Variants in COPZ1 observed in about 807,000 individuals in gnomAD.
COPZ1 encodes coat protein complex I subunit zeta 1, also known as coatomer subunit zeta-1.
A neutral mutation model predicts 31.7 loss-of-function variants in COPZ1; 4 were observed. That is an observed-to-expected ratio of 0.13 (90% CI 0.06 to 0.29). The LOEUF (loss-of-function observed/expected upper bound fraction) is 0.29. COPZ1 is among the 10% of genes least tolerant of loss of function. The probability of loss-of-function intolerance (pLI) is 1.00; values close to 1 mark genes in which losing one functional copy is unlikely to be tolerated. For synonymous variants in COPZ1, 74 were observed against 79.0 expected (o/e 0.94, Z 0.33); for missense variants, 156 against 211.5 (o/e 0.74, Z 1.63).
chr12:54,343,199 T>G (rs1256120612), intron 3 of COPZ1, 26 bp from the exon 4 acceptor site: 1 of 1,577,856 alleles, frequency 6.3e-7, no homozygotes. Flanking sequence ...AGCCACCCAC[T>G]ATTTTTACTT....
intron 1 of COPZ1, among the ~76,000 whole-genome samples, chr12:54,339,890 G>C (rs1292016149): frequency 6.6e-6 from 1 of 152,000 alleles, no homozygotes; most frequent in African/African-American, 2.4e-5. Flanking sequence ...AGTGGTAGTG[G>C]TTAAGGTATA....
chr12:54,340,857 C>T (rs533332698), intron 2 of COPZ1, among the ~76,000 whole-genome samples: 2 of 152,062 alleles, frequency 1.3e-5, no homozygotes, highest in East Asian at 3.9e-4. Context: ...GCGCTACCAC[C>T]CCCGGCTAAT....
At chr12:54,337,754 A>G (rs1407109900) in intron 1 of COPZ1, among the ~76,000 whole-genome samples, 1 of 152,244 alleles carries the variant, frequency 6.6e-6, no homozygotes, top group Non-Finnish European at 1.5e-5. Flanking sequence ...TGGAAGTTTG[A>G]AATGACCAGC....
At chr12:54,345,680 G>A (rs967905608) in intron 5 of COPZ1, among the ~76,000 whole-genome samples, 165 bp downstream of exon 5, 2 of 152,094 alleles carry the variant, frequency 1.3e-5, no homozygotes, top group African/African-American at 4.8e-5. Context: ...GGGTTTTGCC[G>A]GGCTCAGTGG....
intron 1 of COPZ1, among the ~76,000 whole-genome samples, chr12:54,327,830 T>C (rs1458428835): frequency 3.3e-5 from 5 of 152,140 alleles, no homozygotes; most frequent in Non-Finnish European, 7.4e-5. Flanking sequence ...TTCTAGGGAA[T>C]TGGTTTTTTT....
chr12:54,342,567 C>G, intron 3 of COPZ1: 1 of 437,830 alleles, frequency 2.3e-6, no homozygotes, highest in Non-Finnish European at 4.2e-6. Context: ...TGTACCGCAT[C>G]CATTAGGGCA....
intron 1 of COPZ1, among the ~76,000 whole-genome samples, chr12:54,334,329 G>A (rs1953815211): frequency 6.6e-6 from 1 of 152,000 alleles, no homozygotes; most frequent in Non-Finnish European, 1.5e-5. Flanking sequence ...GCTGAGGCAG[G>A]AGAATTGCTG....
At chr12:54,343,757 T>A (rs939843508) in intron 4 of COPZ1, among the ~76,000 whole-genome samples, 4 of 152,140 alleles carry the variant, frequency 2.6e-5, no homozygotes, top group Admixed American at 6.5e-5. Context: ...GCTTCCTATA[T>A]GCAGGAAAAG....
intron 1 of COPZ1, among the ~76,000 whole-genome samples, chr12:54,330,805 A>G (rs1032955162): frequency 2.0e-5 from 3 of 152,254 alleles, no homozygotes; most frequent in Non-Finnish European, 4.4e-5. Context: ...AGCAAATCAG[A>G]TGGAGCAGGG....
At chr12:54,332,164 A>C (rs1953768823) in intron 1 of COPZ1, among the ~76,000 whole-genome samples, 1 of 151,874 alleles carries the variant, frequency 6.6e-6, no homozygotes, top group Non-Finnish European at 1.5e-5. Flanking sequence ...TCTACCAAAA[A>C]TACAAAAATT....
At chr12:54,349,866 T>C (rs193029746) in intron 8 of COPZ1, 1 of 644,746 alleles carries the variant, frequency 1.6e-6, no homozygotes, top group East Asian at 2.6e-5. Flanking sequence ...CTGTGAGCAG[T>C]GGCTGTCAGC....
chr12:54,348,274 A>C, intron 7 of COPZ1: 65 of 540,932 alleles, frequency 1.2e-4, no homozygotes, highest in Middle Eastern at 4.6e-4. Flanking sequence ...CTAACATCTC[A>C]TACAGTCTTT....
chr12:54,337,041 A>C (rs1953882930), intron 1 of COPZ1, among the ~76,000 whole-genome samples: 1 of 149,422 alleles, frequency 6.7e-6, no homozygotes, highest in Non-Finnish European at 1.5e-5. Context: ...AAAAAAAAAA[A>C]AAAGAAGCCC....
intron 5 of COPZ1, among the ~76,000 whole-genome samples, chr12:54,347,260 T>G (rs988574415): frequency 2.0e-5 from 3 of 152,206 alleles, no homozygotes; most frequent in Non-Finnish European, 4.4e-5. Flanking sequence ...ATGCAGACCC[T>G]GCCCCCTCTT....
chr12:54,334,360 G>T (rs1014256143), intron 1 of COPZ1, among the ~76,000 whole-genome samples: 1 of 152,038 alleles, frequency 6.6e-6, no homozygotes, highest in African/African-American at 2.4e-5. Context: ...GGCAGAGGCT[G>T]CAGTGAGCCA....
At chr12:54,349,717 C>T in intron 8 of COPZ1, 59 bp downstream of exon 8, 1 of 1,259,132 alleles carries the variant, frequency 7.9e-7, no homozygotes, top group South Asian at 1.2e-5. Flanking sequence ...GCTAGAACAG[C>T]ATTCCACCCA....
At chr12:54,334,892 G>A (rs748559054) in intron 1 of COPZ1, among the ~76,000 whole-genome samples, 52 of 152,072 alleles carry the variant, frequency 3.4e-4, no homozygotes, top group Admixed American at 6.6e-4. Flanking sequence ...TTGGCACAGA[G>A]GCCAGGTGCA....
At position 54,332,322 on chromosome 12, in the gene COPZ1, A is replaced by T. The variant is rs57738062; in HGVS notation, c.18+7141A>T. Among the ~76,000 whole-genome samples the T allele has an allele frequency of 3.1e-4, 47 of 151,776 alleles. No individual in the cohort carries two copies. The Middle Eastern group carries it at 0.017, about 55-fold the overall frequency. On this transcript the variant is annotated intron_variant, in intron 1 of 8. Coordinates refer to ENST00000262061, the MANE Select transcript of COPZ1 (RefSeq NM_016057.3). ...TGAGACTCCGTCTCAAAAAAAAAAA[A>T]TTTTCCAACAGACAGGCTTTCTGAG... is the stretch of plus-strand genomic sequence containing the variant.
intron 1 of COPZ1, among the ~76,000 whole-genome samples, chr12:54,336,677 C>A (rs751732258): frequency 6.6e-6 from 1 of 151,432 alleles, no homozygotes; most frequent in Admixed American, 6.6e-5. Context: ...GTCCTCTATG[C>A]GCTAGGGGAG....
Sources: gnomAD v4.1 joint callset for allele counts (sites outside exome capture counted in the v4.1 genomes callset) on GRCh38, gnomAD v4.1.1 for gene constraint, MANE v1.5 for transcripts, NCBI Gene and HGNC (gene_info 2026-07-23, HGNC 2026-07-21) for gene names.